ACAP2: variants seen among roughly 807,000 people sequenced by gnomAD.
ACAP2 encodes the protein ArfGAP with coiled-coil, ankyrin repeat and PH domains 2, also known as arf-GAP with coiled-coil, ANK repeat and PH domain-containing protein 2.
A neutral mutation model predicts 115.8 loss-of-function variants in ACAP2; 39 were observed. The observed-to-expected ratio is 0.34, with a 90% CI of 0.26 to 0.44. The LOEUF is 0.44. Among genes scored for constraint, ACAP2 ranks in the 20% least tolerant of loss-of-function variants. The pLI is 1.00. For synonymous variants in ACAP2, 289 were observed against 315.8 expected, an observed-to-expected ratio of 0.92 and a Z score of 0.90; for missense variants, 662 against 927.6, an observed-to-expected ratio of 0.71 and a Z score of 3.72.
intron 8 of ACAP2, among the ~76,000 whole-genome samples, chr3:195,331,339 C>CT (rs11376042): frequency 0.29 from 42,719 of 148,970 alleles, 7,011 homozygotes; most frequent in East Asian, 0.82. Context: ...TTTTCTTTTC[C>CT]TTTTTTTTTT....
At chr3:195,288,852 T>C (rs560413851) in intron 21 of ACAP2, among the ~76,000 whole-genome samples, 2 of 152,146 alleles carry the variant, frequency 1.3e-5, no homozygotes, top group Admixed American at 1.3e-4. Flanking sequence ...GTCTCAAAAA[T>C]AGATACATAA....
intron 13 of ACAP2, among the ~76,000 whole-genome samples, chr3:195,304,263 C>T (rs1400319278): frequency 4.0e-5 from 6 of 148,350 alleles, no homozygotes; most frequent in Non-Finnish European, 8.9e-5. Flanking sequence ...AGAATATGTT[C>T]GATAATGGGA....
chr3:195,290,721 G>A (rs144844598), intron 20 of ACAP2, among the ~76,000 whole-genome samples: 1,898 of 152,092 alleles, frequency 0.012, 31 homozygotes, highest in African/African-American at 0.041. Context: ...GCTAAGGCAG[G>A]AGAATCGCTT....
intron 1 of ACAP2, among the ~76,000 whole-genome samples, chr3:195,405,422 C>T (rs1712678438): frequency 1.3e-5 from 2 of 152,134 alleles, no homozygotes; most frequent in Admixed American, 1.3e-4. Context: ...TACGGTGGCT[C>T]ACGCCGGTAA....
intron 7 of ACAP2, among the ~76,000 whole-genome samples, chr3:195,335,707 C>T (rs1368449459): frequency 6.6e-6 from 1 of 152,006 alleles, no homozygotes; most frequent in Non-Finnish European, 1.5e-5. Context: ...TAAGATATAA[C>T]ACAAATATAT....
intron 10 of ACAP2, among the ~76,000 whole-genome samples, chr3:195,317,153 C>A (rs550801587): frequency 1.3e-5 from 2 of 152,120 alleles, no homozygotes; most frequent in African/African-American, 4.8e-5. Flanking sequence ...CTGCCCCAGC[C>A]TCCCCAAGTG....
chr3:195,423,869 T>C (rs1444442821), intron 1 of ACAP2, among the ~76,000 whole-genome samples: 2 of 151,990 alleles, frequency 1.3e-5, no homozygotes, highest in South Asian at 2.1e-4. Context: ...GTAGAAATGA[T>C]GATATAATTT....
chr3:195,302,203 A>T lies in ACAP2; in HGVS notation c.1117-29T>A, dbSNP rs538089542. ...AAAGAATTAAGAATTACTTGTTTTT[A>T]AAAAAAAAAAAGATTGAAATACTTT... On this transcript the variant is annotated intron_variant, in intron 13 of 22. Coordinates refer to ENST00000326793, the MANE Select transcript of ACAP2 (RefSeq NM_012287.6). 5.1e-3 allele frequency: 2,729 copies of T among 530,088 alleles called. 16 individuals carry two copies. Among genetic ancestry groups the T allele is most frequent in the African/African-American group, 0.035 (1,741 of 49,584 alleles). The allele number at this position is 530,088 out of a possible 1,614,324, so 32.8% of individuals were successfully genotyped here.
chr3:195,439,346 A>AT (rs1362581739), intron 1 of ACAP2, among the ~76,000 whole-genome samples: 1 of 151,556 alleles, frequency 6.6e-6, no homozygotes, highest in Non-Finnish European at 1.5e-5. Context: ...TGCCCAACTA[A>AT]TTTTTTTATT....
At chr3:195,378,868 A>G (rs1733758884) in intron 4 of ACAP2, among the ~76,000 whole-genome samples, 1 of 152,024 alleles carries the variant, frequency 6.6e-6, no homozygotes, top group Non-Finnish European at 1.5e-5. Flanking sequence ...CTCCAAAAAA[A>G]AAAAAAAAAT....
intron 1 of ACAP2, among the ~76,000 whole-genome samples, chr3:195,429,466 G>A (rs761428159): frequency 2.0e-5 from 3 of 151,092 alleles, no homozygotes; most frequent in Non-Finnish European, 2.9e-5. Flanking sequence ...GTACCAAAAC[G>A]CTGAGAATAA....
chr3:195,339,288 T>C (rs1730717809), intron 6 of ACAP2, among the ~76,000 whole-genome samples: 1 of 152,102 alleles, frequency 6.6e-6, no homozygotes, highest in East Asian at 1.9e-4. Flanking sequence ...TCAAAGCCTA[T>C]TCAGTTTAGA....
At chr3:195,341,190 T>C (rs907465885) in intron 6 of ACAP2, among the ~76,000 whole-genome samples, 1 of 152,188 alleles carries the variant, frequency 6.6e-6, no homozygotes, top group African/African-American at 2.4e-5. Flanking sequence ...TCATTTCTCA[T>C]GTCTCAAATA....
intron 1 of ACAP2, among the ~76,000 whole-genome samples, chr3:195,393,208 C>T (rs1481248191): frequency 2.0e-5 from 3 of 152,136 alleles, no homozygotes; most frequent in African/African-American, 7.2e-5. Flanking sequence ...TGGTGGCTCA[C>T]GCCTGTAGTC....
intron 7 of ACAP2, among the ~76,000 whole-genome samples, chr3:195,333,473 T>C (rs1730306409): frequency 6.6e-6 from 1 of 152,204 alleles, no homozygotes. Context: ...AGTCCTGGGA[T>C]TATAGGCGTG....
At chr3:195,426,049 T>C (rs557054267) in intron 1 of ACAP2, among the ~76,000 whole-genome samples, 10 of 152,304 alleles carry the variant, frequency 6.6e-5, no homozygotes, top group Admixed American at 5.2e-4. Context: ...GCACTAACCA[T>C]AACATCCAAA....
At chr3:195,420,185 T>C (rs1400560809) in intron 1 of ACAP2, among the ~76,000 whole-genome samples, 1 of 152,196 alleles carries the variant, frequency 6.6e-6, no homozygotes, top group Non-Finnish European at 1.5e-5. Context: ...GTTAATTTCA[T>C]TTCTATTTAT....
chr3:195,294,604 AAAAATT>A lies in ACAP2; in HGVS notation c.1765+109_1765+114del, dbSNP rs1282858682. 707 of 80,950 alleles carry A rather than the reference AAAAATT, an allele frequency of 8.7e-3. 3 individuals carry two copies. The highest frequency in any genetic ancestry group is 0.056 in the Middle Eastern group (7 of 126). The allele number at this position is 80,950 out of a possible 1,614,324, so 5.0% of individuals were successfully genotyped here. Reference sequence around the variant, plus strand: ...AAAAAAAAAAGAAGAAAAAAAAAAAAAAAATTATATATATATATATATATATAATTT... The same window carrying A: ...AAAAAAAAAAGAAGAAAAAAAAAAAAATATATATATATATATATATAATTT... On this transcript the variant is annotated intron_variant, in intron 18 of 22. Transcript: ENST00000326793.
chr3:195,378,139 G>C (rs914412889), intron 4 of ACAP2, among the ~76,000 whole-genome samples: 3 of 151,932 alleles, frequency 2.0e-5, no homozygotes, highest in Non-Finnish European at 4.4e-5. Flanking sequence ...GAGAAAAGTG[G>C]AATCTGCTTA....
Sources: gnomAD v4.1 joint callset for allele counts (sites outside exome capture counted in the v4.1 genomes callset) on GRCh38, gnomAD v4.1.1 for gene constraint, MANE v1.5 for transcripts, NCBI Gene and HGNC (gene_info 2026-07-23, HGNC 2026-07-21) for gene names.